Variants in NYAP2 observed in about 807,000 individuals in gnomAD.
The protein encoded by NYAP2 is neuronal tyrosine-phosphorylated phosphoinositide-3-kinase adapter 2.
A neutral mutation model predicts 50.4 loss-of-function variants in NYAP2; 23 were observed. The observed-to-expected ratio is 0.46, with a 90% confidence interval of 0.33 to 0.65. The LOEUF is 0.65. Among genes scored for constraint, NYAP2 ranks in the 30% least tolerant of loss-of-function variants. NYAP2 has a pLI of 0.02. For missense variants in NYAP2, 885 were observed against 861.0 expected, an observed-to-expected ratio of 1.03 and a Z score of -0.35; for synonymous variants, 394 against 365.2, an observed-to-expected ratio of 1.08 and a Z score of -0.90.
chr2:225,482,903 A>G (rs1260221170), intron 3 of NYAP2, among the ~76,000 whole-genome samples: 1 of 152,154 alleles, frequency 6.6e-6, no homozygotes, highest in East Asian at 1.9e-4. Context: ...GACAAAGCCC[A>G]TGGATCCATT....
intron 3 of NYAP2, among the ~76,000 whole-genome samples, chr2:225,428,285 C>T (rs1695315032): frequency 6.6e-6 from 1 of 152,128 alleles, no homozygotes; most frequent in South Asian, 2.1e-4. Flanking sequence ...AGTTCTTTTT[C>T]AATATAGGAA....
rs529456486 is a variant in NYAP2, at chr2:225,582,014, G to T, written c.597G>T (p.Pro199=). The T allele has an allele frequency of 3.1e-6, 5 of 1,613,530 alleles. No individual in the cohort carries two copies. The Admixed American group carries it at 5.0e-5, about 16-fold the overall frequency. Reference sequence around the variant, plus strand: ...CTCCTCCCAAACCGAAGCGAAATCCGAACACTCAGCTGAGCACATCTTTCG... The same window carrying T: ...CTCCTCCCAAACCGAAGCGAAATCCTAACACTCAGCTGAGCACATCTTTCG... The change falls in exon 5 of 7, where the codon CCG becomes CCT. Residue 199 remains proline, a synonymous_variant. Transcript: ENST00000636099. The surrounding 1 kb of genome is among the most constrained non-coding windows in gnomAD (Gnocchi z 7.0).
intron 3 of NYAP2, among the ~76,000 whole-genome samples, chr2:225,509,943 C>A (rs1690782217): frequency 6.6e-6 from 1 of 152,136 alleles, no homozygotes; most frequent in Non-Finnish European, 1.5e-5. Flanking sequence ...AGGCCACTGA[C>A]CTCAAGCTTG....
chr2:225,666,528 G>T, the NYAP2 span, among the ~76,000 whole-genome samples: 7 of 152,246 alleles, frequency 4.6e-5, no homozygotes, highest in East Asian at 1.4e-3. Context: ...ACAACTCAAA[G>T]CTTGGGCGGG....
At chr2:225,401,326 G>A (rs760812638) in intron 2 of NYAP2, among the ~76,000 whole-genome samples, 2 of 152,006 alleles carry the variant, frequency 1.3e-5, no homozygotes, top group Admixed American at 6.6e-5. Context: ...AATTATTAAA[G>A]CTTTGAAAAT....
In NYAP2 at chr2:225,449,869, G is replaced by A. The variant is rs553413588; in HGVS notation, c.221+40768G>A. On this transcript the variant is annotated intron_variant, in intron 3 of 6. Transcript: ENST00000636099. ...TGACCTCAAGTGATCCACTCACCTC[G>A]GTCTCCCAAAATGCTGGGATTACAG... is the stretch of plus-strand genomic sequence containing the variant. Among the ~76,000 whole-genome samples the A allele has an allele frequency of 5.9e-5, 9 of 151,862 alleles. No homozygotes were observed. In the East Asian group the frequency reaches 1.7e-3, roughly 29 times the overall value.
chr2:225,633,120 G>GA (rs1693350638), intron 6 of NYAP2, among the ~76,000 whole-genome samples: 1 of 152,170 alleles, frequency 6.6e-6, no homozygotes, highest in African/African-American at 2.4e-5. Context: ...CACATGGGAT[G>GA]AAAAAGGTGA....
At chr2:225,603,107 A>T (rs940282169) in intron 5 of NYAP2, among the ~76,000 whole-genome samples, 7 of 152,130 alleles carry the variant, frequency 4.6e-5, no homozygotes, top group African/African-American at 1.7e-4. Flanking sequence ...TTTTTTAGCA[A>T]TGTTTAAAGT....
intron 5 of NYAP2, among the ~76,000 whole-genome samples, chr2:225,623,769 AG>A (rs1348792533): frequency 6.6e-6 from 1 of 152,230 alleles, no homozygotes; most frequent in Non-Finnish European, 1.5e-5. Context: ...TACCTGTAGA[AG>A]CTCATAATAA....
At chr2:225,698,798 ATAATACAC>A in the NYAP2 span, 1 of 151,984 alleles carries the variant, frequency 6.6e-6, no homozygotes, top group Non-Finnish European at 1.5e-5. Context: ...GACATCTGAA[ATAATACAC>A]ATTATACGTA....
At chr2:225,681,105 T>C in the NYAP2 span, among the ~76,000 whole-genome samples, 3 of 152,218 alleles carry the variant, frequency 2.0e-5, no homozygotes, top group Admixed American at 2.0e-4. Flanking sequence ...AAATGTTTCT[T>C]AATCACATAA....
intron 6 of NYAP2, among the ~76,000 whole-genome samples, chr2:225,640,004 G>C (rs899504997): frequency 2.0e-5 from 3 of 152,294 alleles, no homozygotes; most frequent in Non-Finnish European, 4.4e-5. Flanking sequence ...ACAAGGGTGA[G>C]GGTGAGCCAG....
In NYAP2 at chr2:225,582,705, C is replaced by T. The variant is rs765314985; in HGVS notation, c.1288C>T (p.Pro430Ser). 1.2e-6 allele frequency: 2 copies of T among 1,608,640 alleles called. No individual in the cohort carries two copies. The highest frequency in any genetic ancestry group is 2.2e-5 in the East Asian group (1 of 44,742). Reference sequence around the variant, plus strand: ...CCGAACCCAGTCTCCCCATGGCTACCCTAAAAGTCACTCCACCTCTCCCTC... The same window carrying T: ...CCGAACCCAGTCTCCCCATGGCTACTCTAAAAGTCACTCCACCTCTCCCTC... Residue 430 changes from proline to serine, a missense_variant, in exon 5 of 7, where the codon CCT becomes TCT. Transcript: ENST00000636099. The surrounding 1 kb of genome is among the most constrained non-coding windows in gnomAD (Gnocchi z 7.0).
At chr2:225,431,829 G>A (rs781257583) in intron 3 of NYAP2, among the ~76,000 whole-genome samples, 3 of 152,164 alleles carry the variant, frequency 2.0e-5, no homozygotes, top group Non-Finnish European at 4.4e-5. Flanking sequence ...ATTGAACATG[G>A]GAAGGGTTGA....
chr2:225,657,642 C>T (rs1374211041), downstream of NYAP2, among the ~76,000 whole-genome samples: 2 of 149,882 alleles, frequency 1.3e-5, no homozygotes, highest in Non-Finnish European at 3.0e-5. Flanking sequence ...AACCAAAACA[C>T]CGTAAAATGT....
chr2:225,406,430 C>G (rs1694940112), intron 2 of NYAP2, among the ~76,000 whole-genome samples: 1 of 151,864 alleles, frequency 6.6e-6, no homozygotes, highest in Admixed American at 6.6e-5. Context: ...CTAGTGAAGT[C>G]CACCTAAATC....
At chr2:225,439,895 C>T (rs751430242) in intron 3 of NYAP2, among the ~76,000 whole-genome samples, 51 of 152,202 alleles carry the variant, frequency 3.4e-4, no homozygotes, top group Non-Finnish European at 6.6e-4. Context: ...ACTCACAGTT[C>T]TGCATGGCTG....
chr2:225,635,743 T>C (rs547758005), intron 6 of NYAP2, among the ~76,000 whole-genome samples: 3 of 152,282 alleles, frequency 2.0e-5, no homozygotes, highest in Non-Finnish European at 4.4e-5. Flanking sequence ...CATTTATAGA[T>C]GGAATTTGGA....
At chr2:225,522,148 A>G (rs1286301561) in intron 4 of NYAP2, among the ~76,000 whole-genome samples, 1 of 151,946 alleles carries the variant, frequency 6.6e-6, no homozygotes, top group Non-Finnish European at 1.5e-5. Flanking sequence ...TATTGCATCT[A>G]TTTGATTCTT....
Sources: allele counts gnomAD v4.1 joint callset (sites outside exome capture counted in the v4.1 genomes callset), GRCh38; gene constraint gnomAD v4.1.1; non-coding constraint Gnocchi (gnomAD v3.1); transcripts MANE v1.5; gene names NCBI Gene and HGNC (gene_info 2026-07-23, HGNC 2026-07-21).